APBA1: variants seen among roughly 807,000 people sequenced by gnomAD.
APBA1 encodes amyloid beta precursor protein binding family A member 1.
In APBA1, 55 loss-of-function variants were observed where a neutral mutation model predicts 86.6. That is an observed-to-expected ratio of 0.64 (90% CI 0.51 to 0.80). APBA1 has a LOEUF of 0.80. Ranked by LOEUF, APBA1 falls within the 30% of genes least tolerant of loss-of-function variation. APBA1 has a pLI of 0.00. For synonymous variants in APBA1, 511 were observed against 493.9 expected, an observed-to-expected ratio of 1.03 and a Z score of -0.46; for missense variants, 1,090 against 1,183.0, an observed-to-expected ratio of 0.92 and a Z score of 1.15.
intron 1 of APBA1, among the ~76,000 whole-genome samples, chr9:69,520,573 A>G (rs572047378): frequency 6.6e-6 from 1 of 152,214 alleles, no homozygotes; most frequent in Non-Finnish European, 1.5e-5. Flanking sequence ...GTGATCAGAA[A>G]GATGTGGGGG....
intron 1 of APBA1, among the ~76,000 whole-genome samples, chr9:69,560,589 G>A (rs894196067): frequency 1.3e-5 from 2 of 152,200 alleles, no homozygotes; most frequent in Non-Finnish European, 2.9e-5. Flanking sequence ...ATATGGGAAT[G>A]CATGTAAAGT....
chr9:69,458,563 TCTC>T (rs1312530101), intron 5 of APBA1, among the ~76,000 whole-genome samples: 11 of 152,226 alleles, frequency 7.2e-5, no homozygotes, highest in Admixed American at 2.6e-4. Context: ...TTTGCTGACT[TCTC>T]AGCTTCCTGA....
intron 1 of APBA1, among the ~76,000 whole-genome samples, chr9:69,524,615 A>G (rs935411514): frequency 6.6e-6 from 1 of 152,074 alleles, no homozygotes; most frequent in Admixed American, 6.6e-5. Flanking sequence ...ACTGAAAAAA[A>G]AAACCCTGTA....
At chr9:69,600,236 C>T (rs1465539364) in intron 1 of APBA1, among the ~76,000 whole-genome samples, 1 of 152,170 alleles carries the variant, frequency 6.6e-6, no homozygotes, top group Middle Eastern at 3.2e-3. Context: ...AAACAATTTC[C>T]GCTGACTATG....
At chr9:69,485,510 T>A (rs1209397313) in intron 2 of APBA1, among the ~76,000 whole-genome samples, 2 of 152,118 alleles carry the variant, frequency 1.3e-5, no homozygotes, top group African/African-American at 4.8e-5. Flanking sequence ...GTAAAATTAT[T>A]GTCACATATA....
chr9:69,605,034 T>C (rs887876768), intron 1 of APBA1, among the ~76,000 whole-genome samples: 3 of 152,242 alleles, frequency 2.0e-5, no homozygotes, highest in African/African-American at 7.2e-5. Context: ...AATTCGGTTA[T>C]GACTCACACA....
At chr9:69,651,885 C>T (rs1823510245) in intron 1 of APBA1, among the ~76,000 whole-genome samples, 1 of 152,218 alleles carries the variant, frequency 6.6e-6, no homozygotes, top group Non-Finnish European at 1.5e-5. Flanking sequence ...TTAAGTCTCC[C>T]ACAAAAGTCA....
intron 11 of APBA1, among the ~76,000 whole-genome samples, chr9:69,439,371 G>A (rs1394577399): frequency 2.0e-5 from 3 of 151,350 alleles, no homozygotes; most frequent in Admixed American, 6.6e-5. Context: ...CCTGCAGAGT[G>A]TTTTCCAACT....
chr9:69,571,843 C>G (rs190771877), intron 1 of APBA1, among the ~76,000 whole-genome samples: 215 of 152,294 alleles, frequency 1.4e-3, no homozygotes, highest in Admixed American at 2.4e-3. Flanking sequence ...CTCCCTGTCT[C>G]CACATCCTAA....
Position 69,536,046 on chromosome 9 carries a change from G to GT in APBA1, c.-69-18768dup, listed in dbSNP as rs10579030. 2.3e-3 allele frequency among the ~76,000 whole-genome samples: 328 copies of GT among 143,852 alleles called. 1 individual carries two copies. Among genetic ancestry groups the GT allele is most frequent in the South Asian group, 4.2e-3 (19 of 4,550 alleles). 94.4% of individuals were successfully genotyped at this position (143,852 alleles called of 152,430 possible). ...TTAGGTAGATGGCGTGCAGTTTTTT[G>GT]TTTTTTTTTTTTTGATGTTGTACAA... On this transcript the variant is annotated intron_variant, in intron 1 of 12. Coordinates refer to ENST00000265381, the MANE Select transcript of APBA1 (RefSeq NM_001163.4).
At chr9:69,431,513 C>G in intron 12 of APBA1, 115 bp from the exon 13 acceptor site, 2 of 850,178 alleles carry the variant, frequency 2.4e-6, no homozygotes. Flanking sequence ...TTTGAAGATA[C>G]TCCCTACCGC....
chr9:69,512,249 A>T (rs1836061359), intron 2 of APBA1, among the ~76,000 whole-genome samples: 1 of 151,150 alleles, frequency 6.6e-6, no homozygotes, highest in Non-Finnish European at 1.5e-5. Flanking sequence ...AATGTTTAGA[A>T]CACAGTTATT....
chr9:69,593,735 T>C (rs910388897), intron 1 of APBA1, among the ~76,000 whole-genome samples: 4 of 152,204 alleles, frequency 2.6e-5, no homozygotes, highest in Non-Finnish European at 2.9e-5. Context: ...TTGATGCCAA[T>C]GAAAATCAAA....
chr9:69,577,804 T>C (rs1488813458), intron 1 of APBA1, among the ~76,000 whole-genome samples: 1 of 152,148 alleles, frequency 6.6e-6, no homozygotes, highest in African/African-American at 2.4e-5. Flanking sequence ...TTTTAAGAGC[T>C]TCATATTTTA....
At chr9:69,486,552 C>G (rs994457934) in intron 2 of APBA1, among the ~76,000 whole-genome samples, 1 of 151,998 alleles carries the variant, frequency 6.6e-6, no homozygotes, top group Non-Finnish European at 1.5e-5. Context: ...AGTGGGGACA[C>G]AGAGGTAGTG....
At chr9:69,445,364 C>G (rs965196416) in intron 10 of APBA1, among the ~76,000 whole-genome samples, 1 of 152,140 alleles carries the variant, frequency 6.6e-6, no homozygotes, top group African/African-American at 2.4e-5. Flanking sequence ...CATGTTGGGT[C>G]CCATTAACTT....
chr9:69,487,779 G>A (rs1436786639), intron 2 of APBA1, among the ~76,000 whole-genome samples: 1 of 151,914 alleles, frequency 6.6e-6, no homozygotes, highest in Non-Finnish European at 1.5e-5. Context: ...CCTCCAACTT[G>A]GACTTCCCAG....
At chr9:69,490,948 G>A (rs1835699303) in intron 2 of APBA1, among the ~76,000 whole-genome samples, 1 of 152,060 alleles carries the variant, frequency 6.6e-6, no homozygotes, top group Non-Finnish European at 1.5e-5. Flanking sequence ...TAAAAAGTCA[G>A]GAAACAACAG....
chr9:69,477,210 T>C (rs12352610), intron 2 of APBA1, among the ~76,000 whole-genome samples: 119,258 of 150,890 alleles, frequency 0.79, 47,298 homozygotes, highest in Admixed American at 0.85. Context: ...TCTGAGGTAC[T>C]GGGTTCATCT....
Sources: gnomAD v4.1 joint callset for allele counts (sites outside exome capture counted in the v4.1 genomes callset) on GRCh38, gnomAD v4.1.1 for gene constraint, MANE v1.5 for transcripts, NCBI Gene and HGNC (gene_info 2026-07-23, HGNC 2026-07-21) for gene names.